Variants in RABEP1 observed in about 807,000 individuals in gnomAD.
RABEP1 encodes rabaptin, RAB GTPase binding effector protein 1, also known as rab GTPase-binding effector protein 1.
In RABEP1, 51 loss-of-function variants were observed where a neutral mutation model predicts 123.4. The observed-to-expected ratio is 0.41, with a 90% CI of 0.33 to 0.52. RABEP1 has a LOEUF of 0.52. RABEP1 is among the 20% of genes least tolerant of loss of function. RABEP1 has a pLI of 0.16. For missense variants in RABEP1, 888 were observed against 996.3 expected (o/e 0.89, Z 1.46); for synonymous variants, 347 against 355.2 (o/e 0.98, Z 0.26).
chr17:5,303,833 G>A (rs2075156657), intron 1 of RABEP1, among the ~76,000 whole-genome samples: 1 of 152,170 alleles, frequency 6.6e-6, no homozygotes, highest in African/African-American at 2.4e-5. Context: ...AGGAGTTTGA[G>A]ACCAGCCTGG....
intron 2 of RABEP1, among the ~76,000 whole-genome samples, chr17:5,324,413 C>G (rs149692117): frequency 1.3e-5 from 2 of 152,300 alleles, no homozygotes; most frequent in Non-Finnish European, 2.9e-5. Flanking sequence ...GGCCCCATCT[C>G]TCTCCATATA....
At position 5,323,723 on chromosome 17, in the gene RABEP1, A is replaced by AATAT. The variant is rs57661400; in HGVS notation, c.164-8217_164-8214dup. Among the ~76,000 whole-genome samples, 74 of 69,228 alleles carry AATAT rather than the reference A, an allele frequency of 1.1e-3. 8 individuals carry two copies. The highest frequency in any genetic ancestry group is 1.7e-3 in the African/African-American group (19 of 11,088). The allele number at this position is 69,228 out of a possible 152,430, so 45.4% of individuals were successfully genotyped here. ...CTAGGAATATATATATATATCTAGG[A>AATAT]ATATATATATATCTAGGAATATATA... On this transcript the variant is annotated intron_variant, in intron 2 of 17. Coordinates refer to ENST00000537505, the MANE Select transcript of RABEP1 (RefSeq NM_004703.6).
intron 5 of RABEP1, among the ~76,000 whole-genome samples, chr17:5,338,697 TTTC>T: frequency 6.6e-6 from 1 of 152,328 alleles, no homozygotes; most frequent in Middle Eastern, 3.4e-3. Context: ...TAATGTTCAT[TTTC>T]TTAAGAAAAT....
At chr17:5,320,776 A>T (rs909101303) in intron 2 of RABEP1, among the ~76,000 whole-genome samples, 1 of 152,206 alleles carries the variant, frequency 6.6e-6, no homozygotes, top group Non-Finnish European at 1.5e-5. Context: ...CCTATAATAG[A>T]TTGACTAAAA....
chr17:5,299,271 A>G (rs916615522), intron 1 of RABEP1, among the ~76,000 whole-genome samples: 2 of 151,948 alleles, frequency 1.3e-5, no homozygotes, highest in Non-Finnish European at 2.9e-5. Context: ...TATCTTGTAC[A>G]CTTCCTGCCC....
At position 5,361,480 on chromosome 17, in the gene RABEP1, C is replaced by T; in HGVS notation, c.1368C>T (p.Ser456=). ...TGTCTGAGAACTTTGATACTGCATC[C>T]CTTGGGTCACTCCAGATGCCAAGTG... is the stretch of plus-strand genomic sequence containing the variant. ...DSVSENFDTA[S]LGSLQMPSGF... Residue 456 remains serine (S), a synonymous_variant, in exon 9 of 18, where the codon TCC becomes TCT. Transcript: ENST00000537505. 1 of 1,614,006 alleles carries T rather than the reference C, an allele frequency of 6.2e-7. No individual in the cohort carries two copies. Among genetic ancestry groups the T allele is most frequent in the East Asian group, 2.2e-5 (1 of 44,890 alleles).
At chr17:5,309,975 A>G (rs1468412757) in intron 2 of RABEP1, among the ~76,000 whole-genome samples, 1 of 152,194 alleles carries the variant, frequency 6.6e-6, no homozygotes, top group Non-Finnish European at 1.5e-5. Flanking sequence ...TCTATAATAG[A>G]ATAGTGGCTC....
chr17:5,336,274 T>G (rs956286298), intron 4 of RABEP1, among the ~76,000 whole-genome samples: 11 of 152,212 alleles, frequency 7.2e-5, no homozygotes, highest in African/African-American at 2.7e-4. Context: ...CTTTCAATTT[T>G]AGAACTGTTT....
In RABEP1 at chr17:5,384,385, AG is replaced by A. The variant is rs1010194246; in HGVS notation, c.*1163del. 2 of 212,948 alleles carry A rather than the reference AG, an allele frequency of 9.4e-6. No individual in the cohort carries two copies. The highest frequency in any genetic ancestry group is 4.5e-5 in the African/African-American group (2 of 44,220). The allele number at this position is 212,948 out of a possible 1,614,324, so 13.2% of individuals were successfully genotyped here. ...TTCATGTTCATCAATACCTGCTGAGAGTACTGTCCCAGGAATATCCAGTGGA... is the reference window on the plus strand; with the variant it reads ...TTCATGTTCATCAATACCTGCTGAGATACTGTCCCAGGAATATCCAGTGGA... On this transcript the variant is annotated 3_prime_UTR_variant, in exon 18 of 18. Coordinates refer to ENST00000537505, the MANE Select transcript of RABEP1 (RefSeq NM_004703.6).
intron 17 of RABEP1, among the ~76,000 whole-genome samples, chr17:5,382,083 A>ATT (rs58178661): frequency 2.8e-5 from 4 of 143,084 alleles, no homozygotes; most frequent in South Asian, 4.5e-4. Flanking sequence ...GGAACTTCGG[A>ATT]TTTTTTTTTT....
Position 5,294,633 on chromosome 17 carries a change from C to CTTTTTTTTTTTTT in RABEP1, c.34+12133_34+12145dup, listed in dbSNP as rs1185209680. On this transcript the variant is annotated intron_variant, in intron 1 of 17. Transcript: ENST00000537505. ...AGATACTGAGGGAAAACGGTATTGT[C>CTTTTTTTTTTTTT]TTTTTTTTTTTTTTTTTTTTTTTTT... Among the ~76,000 whole-genome samples, 118 of 53,022 alleles carry CTTTTTTTTTTTTT rather than the reference C, an allele frequency of 2.2e-3. 35 individuals are homozygous for CTTTTTTTTTTTTT. Among genetic ancestry groups the CTTTTTTTTTTTTT allele is most frequent in the Admixed American group, 2.8e-3 (8 of 2,880 alleles). The allele number at this position is 53,022 out of a possible 152,430, so 34.8% of individuals were successfully genotyped here.
chr17:5,331,824 C>T, intron 2 of RABEP1, 125 bp from the exon 3 acceptor site: 1 of 785,134 alleles, frequency 1.3e-6, no homozygotes, highest in Non-Finnish European at 2.0e-6. Flanking sequence ...CCTTAAATCT[C>T]ACCTCTATTA....
At position 5,386,226 on chromosome 17, in the gene RABEP1, G is replaced by T; in HGVS notation, c.*3003G>T. 6.2e-7 allele frequency: 1 copy of T among 1,613,146 alleles called. No homozygotes were observed. Among genetic ancestry groups the T allele is most frequent in the South Asian group, 1.1e-5 (1 of 90,910 alleles). ...TGGTGTCAGAAGTTTACATGATTGC[G>T]GATATCATTGATTTGCTTCACCATT... is the stretch of plus-strand genomic sequence containing the variant. On this transcript the variant is annotated 3_prime_UTR_variant, in exon 18 of 18. Coordinates refer to ENST00000537505, the MANE Select transcript of RABEP1 (RefSeq NM_004703.6).
intron 2 of RABEP1, among the ~76,000 whole-genome samples, chr17:5,320,421 C>CAAAAAAAAAA (rs60202531): frequency 3.5e-4 from 30 of 84,610 alleles, no homozygotes; most frequent in East Asian, 6.2e-4. Context: ...GCTAACACAC[C>CAAAAAAAAAA]AAAAAAAAAA....
At chr17:5,292,558 A>G (rs1413332626) in intron 1 of RABEP1, among the ~76,000 whole-genome samples, 2 of 151,732 alleles carry the variant, frequency 1.3e-5, no homozygotes, top group Non-Finnish European at 2.9e-5. Context: ...CTAACTTTGT[A>G]TTTTTAGTAG....
intron 1 of RABEP1, among the ~76,000 whole-genome samples, chr17:5,293,292 C>T (rs1235298620): frequency 6.6e-6 from 1 of 150,656 alleles, no homozygotes; most frequent in Non-Finnish European, 1.5e-5. Flanking sequence ...TGTCTCCCCC[C>T]TCAAAAAAAA....
chr17:5,354,792 A>G (rs1459000796), intron 8 of RABEP1, among the ~76,000 whole-genome samples: 2 of 152,226 alleles, frequency 1.3e-5, no homozygotes, highest in African/African-American at 4.8e-5. Flanking sequence ...TGATGTGAAT[A>G]GTACATGTTG....
At chr17:5,347,351 G>A (rs983263571) in intron 6 of RABEP1, among the ~76,000 whole-genome samples, 11 of 152,098 alleles carry the variant, frequency 7.2e-5, no homozygotes, top group Admixed American at 3.9e-4. Context: ...CAGAGGTTGC[G>A]GTGAGCCAAG....
chr17:5,366,515 G>A (rs1337752954), intron 11 of RABEP1, among the ~76,000 whole-genome samples: 2 of 151,902 alleles, frequency 1.3e-5, no homozygotes, highest in African/African-American at 4.8e-5. Flanking sequence ...GTGCAACTTC[G>A]GCTCTCTGCA....
Sources: allele counts gnomAD v4.1 joint callset (sites outside exome capture counted in the v4.1 genomes callset), GRCh38; gene constraint gnomAD v4.1.1; transcripts MANE v1.5; gene names NCBI Gene and HGNC (gene_info 2026-07-23, HGNC 2026-07-21).